RAB2A: variants seen among roughly 807,000 people sequenced by gnomAD.
RAB2A encodes RAB2A, member RAS oncogene family, also known as ras-related protein Rab-2A.
In RAB2A, 7 loss-of-function variants were observed where a neutral mutation model predicts 32.5. That is an observed-to-expected ratio of 0.22 (90% CI 0.12 to 0.40). The LOEUF (loss-of-function observed/expected upper bound fraction) is 0.40, where lower values mean the gene tolerates loss of function less well. RAB2A is among the 10% of genes least tolerant of loss of function. The pLI, the probability that RAB2A is intolerant of heterozygous loss-of-function variation, is 1.00. For synonymous variants in RAB2A, 79 were observed against 85.2 expected (o/e 0.93, Z 0.40); for missense variants, 108 against 260.7 (o/e 0.41, Z 4.03).
intron 5 of RAB2A, among the ~76,000 whole-genome samples, chr8:60,588,163 G>T (rs1803879254): frequency 6.6e-6 from 1 of 152,112 alleles, no homozygotes; most frequent in Admixed American, 6.5e-5. Flanking sequence ...CATACTTGTA[G>T]TCCCAGCTAC....
intron 6 of RAB2A, among the ~76,000 whole-genome samples, chr8:60,617,762 C>A (rs1185123950): frequency 6.6e-6 from 1 of 152,076 alleles, no homozygotes; most frequent in East Asian, 1.9e-4. Context: ...AATAAATAAA[C>A]AATTCAGTGG....
At chr8:60,607,214 G>T (rs1465304233) in intron 6 of RAB2A, among the ~76,000 whole-genome samples, 1 of 149,584 alleles carries the variant, frequency 6.7e-6, no homozygotes, top group Non-Finnish European at 1.5e-5. Context: ...CAGATCACAA[G>T]GTCAGGAGAT....
chr8:60,608,491 C>G (rs970146889), intron 6 of RAB2A, among the ~76,000 whole-genome samples: 2 of 72,556 alleles, frequency 2.8e-5, no homozygotes, highest in African/African-American at 1.8e-4. Flanking sequence ...CCCTCTTCCT[C>G]TCCTTCTTCC....
In RAB2A at chr8:60,618,590, A is replaced by G. The variant is rs761702966; in HGVS notation, c.485A>G (p.Asn162Ser). The change falls in exon 7 of 8, where the codon AAT (asparagine) becomes AGT (serine). Residue 162 changes from asparagine (N) to serine (S), a missense_variant. By Grantham distance (46) the Asn-to-Ser change is conservative (BLOSUM62 1). Coordinates refer to ENST00000262646, the MANE Select transcript of RAB2A (RefSeq NM_002865.3). ...TTCTCTATATTTCAGGCATTTATTA[A>G]TACAGCAAAAGAAATTTATGAAAAA... ...TASNVEEAFI[N>S]TAKEIYEKIQ... is the part of the protein sequence containing the mutation. The G allele has an allele frequency of 4.9e-6, 6 of 1,230,908 alleles. No homozygotes were observed. Among genetic ancestry groups the G allele is most frequent in the Non-Finnish European group, 6.5e-6 (6 of 919,264 alleles). 76.2% of individuals were successfully genotyped at this position (1,230,908 alleles called of 1,614,324 possible).
intron 2 of RAB2A, among the ~76,000 whole-genome samples, chr8:60,559,430 AACTGAGAAAAAATACC>A (rs1308880036): frequency 2.0e-5 from 3 of 152,224 alleles, no homozygotes; most frequent in African/African-American, 4.8e-5. Flanking sequence ...CATAATTATT[AACTGAGAAAAAATACC>A]ACTGGGCATT....
At chr8:60,585,570 C>T (rs1195468662) in intron 5 of RAB2A, among the ~76,000 whole-genome samples, 1 of 152,140 alleles carries the variant, frequency 6.6e-6, no homozygotes, top group African/African-American at 2.4e-5. Flanking sequence ...ACCTGGGCCT[C>T]CAAAAGTACT....
intron 1 of RAB2A, among the ~76,000 whole-genome samples, chr8:60,547,396 T>C (rs1807749785): frequency 6.6e-6 from 1 of 152,228 alleles, no homozygotes; most frequent in African/African-American, 2.4e-5. Context: ...TGGCCCGTTC[T>C]CAATGAGCTG....
chr8:60,611,451 A>C (rs1804346883), intron 6 of RAB2A, among the ~76,000 whole-genome samples: 1 of 152,160 alleles, frequency 6.6e-6, no homozygotes, highest in Non-Finnish European at 1.5e-5. Flanking sequence ...TTTCTCTCTC[A>C]GAAGTGGTCA....
At chr8:60,546,891 CT>C (rs6150606) in intron 1 of RAB2A, among the ~76,000 whole-genome samples, 25,603 of 97,708 alleles carry the variant, frequency 0.26, 2,780 homozygotes, top group African/African-American at 0.48. Flanking sequence ...TTTTTTGGGT[CT>C]TTTTTTTTTT....
intron 1 of RAB2A, chr8:60,552,855 A>G (rs2130826864): frequency 6.6e-6 from 1 of 152,344 alleles, no homozygotes; most frequent in South Asian, 2.1e-4. Context: ...GAAGGGTATG[A>G]GGACAGACAG....
In RAB2A at chr8:60,580,165, T is replaced by C. The variant is rs561426667; in HGVS notation, c.187-4043T>C. ...GTGTGCGCCACCACACCCGGCTAAT[T>C]TTTGTATTTTTTAGTAGAGATGGGG... On this transcript the variant is annotated intron_variant, in intron 3 of 7. Coordinates refer to ENST00000262646, the MANE Select transcript of RAB2A (RefSeq NM_002865.3). 7.6e-3 allele frequency among the ~76,000 whole-genome samples: 1,147 copies of C among 151,716 alleles called. 10 individuals are homozygous for C. Among genetic ancestry groups the C allele is most frequent in the African/African-American group, 0.025 (1,047 of 41,328 alleles).
Position 60,622,901 on chromosome 8 carries a change from A to T in RAB2A, c.*2132A>T, listed in dbSNP as rs1329378925. Reference sequence around the variant, plus strand: ...AATCCTTTCTGTTAATTGAGAAAGCAATGTTATTGTCTGTGATTTCCAGTC... The same window carrying T: ...AATCCTTTCTGTTAATTGAGAAAGCTATGTTATTGTCTGTGATTTCCAGTC... On this transcript the variant is annotated 3_prime_UTR_variant, in exon 8 of 8. Transcript: ENST00000262646. The T allele has an allele frequency of 6.6e-6, 1 of 152,202 alleles. No homozygotes were observed. Among genetic ancestry groups the T allele is most frequent in the African/African-American group, 2.4e-5 (1 of 41,458 alleles). The allele number at this position is 152,202 out of a possible 1,614,324, so 9.4% of individuals were successfully genotyped here. A position where few individuals can be genotyped will look rare whatever the true frequency, so the allele number is the denominator to read the frequency against.
At chr8:60,520,934 A>T (rs1215710532) in intron 1 of RAB2A, among the ~76,000 whole-genome samples, 1 of 152,078 alleles carries the variant, frequency 6.6e-6, no homozygotes, top group Non-Finnish European at 1.5e-5. Flanking sequence ...CTCCCACCTA[A>T]GTCTTCCAAG....
chr8:60,544,116 T>C (rs562002963), intron 1 of RAB2A, among the ~76,000 whole-genome samples: 44 of 151,854 alleles, frequency 2.9e-4, no homozygotes, highest in African/African-American at 1.0e-3. Flanking sequence ...TTCTTTTTTT[T>C]TTTTTCTCAC....
At chr8:60,563,684 A>T (rs962491495) in intron 2 of RAB2A, among the ~76,000 whole-genome samples, 17 of 152,182 alleles carry the variant, frequency 1.1e-4, no homozygotes, top group African/African-American at 4.1e-4. Flanking sequence ...ATTTAGTTTC[A>T]TGCATTTGAC....
At position 60,555,647 on chromosome 8, in the gene RAB2A, C is replaced by T. The variant is rs189052204; in HGVS notation, c.47-3205C>T. Among the ~76,000 whole-genome samples, 226 of 152,138 alleles carry T rather than the reference C, an allele frequency of 1.5e-3. 1 individual carries two copies. In the Middle Eastern group the frequency reaches 0.041, roughly 28 times the overall value. On this transcript the variant is annotated intron_variant, in intron 1 of 7. Transcript: ENST00000262646. ...TCATCAGGGAAATGCAAGCCAGTAC[C>T]GCAGTGAGATAACATCTCATCTTAG... is the stretch of plus-strand genomic sequence containing the variant.
At chr8:60,555,187 C>G (rs1807916655) in intron 1 of RAB2A, among the ~76,000 whole-genome samples, 3 of 152,198 alleles carry the variant, frequency 2.0e-5, no homozygotes, top group Admixed American at 2.0e-4. Flanking sequence ...CTCTGTCTCT[C>G]ACCATATAGA....
chr8:60,616,470 G>T (rs1056056822), intron 6 of RAB2A, among the ~76,000 whole-genome samples: 3 of 152,170 alleles, frequency 2.0e-5, no homozygotes, highest in African/African-American at 7.2e-5. Context: ...TCAATATTAG[G>T]TAGCTTGATT....
chr8:60,547,874 G>C (rs1166778027), intron 1 of RAB2A, among the ~76,000 whole-genome samples: 1 of 122,100 alleles, frequency 8.2e-6, no homozygotes, highest in South Asian at 2.8e-4. Flanking sequence ...CTGGCCGGGC[G>C]GGGGGCTGAC....
Sources: allele counts gnomAD v4.1 joint callset (sites outside exome capture counted in the v4.1 genomes callset), GRCh38; gene constraint gnomAD v4.1.1; transcripts MANE v1.5; gene names NCBI Gene and HGNC (gene_info 2026-07-23, HGNC 2026-07-21).